The following EPAS1 variants were observed in gnomAD, a reference collection of about 807,000 sequenced individuals.
EPAS1 encodes the protein endothelial PAS domain protein 1, also known as endothelial PAS domain-containing protein 1.
EPAS1 carries 23 observed loss-of-function variants against 87.9 expected under a neutral mutation model. The ratio of observed to expected loss-of-function variants is 0.26; its 90% confidence interval spans 0.19 to 0.37. The LOEUF (loss-of-function observed/expected upper bound fraction) is 0.37, where lower values mean the gene tolerates loss of function less well. Ranked by LOEUF, EPAS1 falls within the 10% of genes least tolerant of loss-of-function variation. The pLI is 1.00. For synonymous variants in EPAS1, 508 were observed against 444.3 expected (o/e 1.14, Z -1.80); for missense variants, 1,138 against 1,120.7 (o/e 1.02, Z -0.22).
chr2:46,381,558 C>G (rs769185698), intron 12 of EPAS1, 38 bp from the exon 13 acceptor site: 4 of 1,613,752 alleles, frequency 2.5e-6, no homozygotes, highest in Admixed American at 1.7e-5. Context: ...GCATGTGGCT[C>G]CAGACTCCCT....
At chr2:46,343,010 A>G (rs1305876408) in intron 1 of EPAS1, among the ~76,000 whole-genome samples, 6 of 152,178 alleles carry the variant, frequency 3.9e-5, no homozygotes, top group Non-Finnish European at 7.3e-5. Context: ...AACCCAAAAC[A>G]AACCCAAAAC....
rs1007456591 is a variant in EPAS1, at chr2:46,381,741, C to A, written c.2172+19C>A. ...GAGCGGGGTGAGTCATCCCCACTGGCCACAGGGGCCTCTCCATAGCCCTTA... is the reference window on the plus strand; with the variant it reads ...GAGCGGGGTGAGTCATCCCCACTGGACACAGGGGCCTCTCCATAGCCCTTA... On this transcript the variant is annotated intron_variant, in intron 13 of 15. Coordinates refer to ENST00000263734, the MANE Select transcript of EPAS1 (RefSeq NM_001430.5). 3 of 1,613,428 alleles carry A rather than the reference C, an allele frequency of 1.9e-6. No homozygotes were observed. The highest frequency in any genetic ancestry group is 2.5e-6 in the Non-Finnish European group (3 of 1,179,986).
chr2:46,334,163 A>C (rs1192907090), intron 1 of EPAS1, among the ~76,000 whole-genome samples: 1 of 152,190 alleles, frequency 6.6e-6, no homozygotes, highest in Non-Finnish European at 1.5e-5. Context: ...AGCAGGGCCA[A>C]AGCATGACCA....
At chr2:46,304,102 A>C (rs777927062) in intron 1 of EPAS1, among the ~76,000 whole-genome samples, 1 of 152,246 alleles carries the variant, frequency 6.6e-6, no homozygotes, top group Non-Finnish European at 1.5e-5. Context: ...ATCCTCAAAC[A>C]GTTATTTGGA....
intron 1 of EPAS1, among the ~76,000 whole-genome samples, chr2:46,323,346 A>G (rs1401710755): frequency 6.6e-6 from 1 of 152,274 alleles, no homozygotes; most frequent in African/African-American, 2.4e-5. Flanking sequence ...AAGGAAAAAT[A>G]AAGTAGGTGC....
intron 1 of EPAS1, among the ~76,000 whole-genome samples, chr2:46,318,168 G>A (rs1033736978): frequency 1.8e-5 from 2 of 111,620 alleles, no homozygotes; most frequent in Non-Finnish European, 3.6e-5. Context: ...GATTGGGGAG[G>A]GGGAGAGAGA....
At chr2:46,363,251 A>G (rs1265766038) in intron 6 of EPAS1, among the ~76,000 whole-genome samples, 2 of 152,200 alleles carry the variant, frequency 1.3e-5, no homozygotes, top group African/African-American at 2.4e-5. Context: ...CGACGTAGCC[A>G]TATAGCCTGG....
Position 46,382,457 on chromosome 2 carries a change from G to T in EPAS1, c.2320G>T (p.Gly774Cys). The change falls in exon 15 of 16, where the codon GGC becomes TGC. Residue 774 changes from glycine (G) to cysteine (C), a missense_variant. By Grantham distance (159) the Gly-to-Cys change is radical. Around this residue, in one of 4 missense-constraint regions of EPAS1, gnomAD observed 502 missense variants for 427.1 expected, o/e 1.18. Transcript: ENST00000263734. ...CACCCAAAACCCCATGAGGGGCCTG[G>T]GCCATCCCCTGAGACATCTGCCGCT... ...KFTQNPMRGL[G>C]HPLRHLPLPQ... 1 of 1,614,130 alleles carries T rather than the reference G, an allele frequency of 6.2e-7. No homozygotes were observed. Among genetic ancestry groups the T allele is most frequent in the Non-Finnish European group, 8.5e-7 (1 of 1,180,040 alleles).
intron 1 of EPAS1, among the ~76,000 whole-genome samples, chr2:46,326,925 C>G (rs1177687107): frequency 6.6e-6 from 1 of 152,178 alleles, no homozygotes; most frequent in East Asian, 1.9e-4. Flanking sequence ...CGAGATTTAC[C>G]ACCTATGAGT....
chr2:46,351,094 T>G (rs1431392130), intron 2 of EPAS1, among the ~76,000 whole-genome samples: 1 of 152,184 alleles, frequency 6.6e-6, no homozygotes, highest in Non-Finnish European at 1.5e-5. Context: ...CCTCCACCCC[T>G]TTGTCCCACC....
intron 1 of EPAS1, among the ~76,000 whole-genome samples, chr2:46,298,601 G>C (rs1285211113): frequency 1.3e-5 from 2 of 152,362 alleles, no homozygotes; most frequent in South Asian, 4.1e-4. Context: ...GGGGCAGATG[G>C]TTCGGTGTGT....
At chr2:46,305,961 G>A (rs905239559) in intron 1 of EPAS1, among the ~76,000 whole-genome samples, 14 of 152,178 alleles carry the variant, frequency 9.2e-5, no homozygotes, top group Admixed American at 2.0e-4. Flanking sequence ...ATTCTGTAAC[G>A]GGTTGAGTGT....
At chr2:46,315,250 C>G (rs1400259639) in intron 1 of EPAS1, among the ~76,000 whole-genome samples, 1 of 152,068 alleles carries the variant, frequency 6.6e-6, no homozygotes, top group Non-Finnish European at 1.5e-5. Flanking sequence ...CACTCTGAGA[C>G]AGTGAGAACG....
chr2:46,312,336 A>G (rs1380998592), intron 1 of EPAS1, among the ~76,000 whole-genome samples: 1 of 152,210 alleles, frequency 6.6e-6, no homozygotes, highest in Non-Finnish European at 1.5e-5. Flanking sequence ...TGTGTGACCT[A>G]GGACAGGTAA....
chr2:46,326,071 G>A (rs531973143), intron 1 of EPAS1, among the ~76,000 whole-genome samples: 2 of 152,332 alleles, frequency 1.3e-5, no homozygotes, highest in African/African-American at 2.4e-5. Context: ...AAATGGAAAT[G>A]ATTCTGTGCT....
At chr2:46,324,690 T>C (rs1027050136) in intron 1 of EPAS1, among the ~76,000 whole-genome samples, 5 of 152,330 alleles carry the variant, frequency 3.3e-5, no homozygotes, top group Middle Eastern at 3.4e-3. Flanking sequence ...CCAAACTTTT[T>C]CCGTACAAGT....
chr2:46,380,859 T>A lies in EPAS1; in HGVS notation c.2045+142T>A. ...TTAGCCCTTCTCTGAGCTCAGACTTTGGGGAATCACCTCAAGCCATGTGAG... is the reference window on the plus strand; with the variant it reads ...TTAGCCCTTCTCTGAGCTCAGACTTAGGGGAATCACCTCAAGCCATGTGAG... On this transcript the variant is annotated intron_variant, in intron 12 of 15. Transcript: ENST00000263734. This position sits in a 1 kb window ranked among gnomAD's most constrained non-coding sequence, Gnocchi z 4.4. 1 of 1,431,622 alleles carries A rather than the reference T, an allele frequency of 7.0e-7. No individual in the cohort carries two copies. Among genetic ancestry groups the A allele is most frequent in the South Asian group, 1.2e-5 (1 of 84,630 alleles). 88.7% of individuals were successfully genotyped at this position (1,431,622 alleles called of 1,614,324 possible).
chr2:46,337,835 C>T (rs1683825887), intron 1 of EPAS1, among the ~76,000 whole-genome samples: 1 of 152,198 alleles, frequency 6.6e-6, no homozygotes, highest in Non-Finnish European at 1.5e-5. Flanking sequence ...GCTGTAGACT[C>T]CGCAAGCAAA....
chr2:46,349,793 A>G (rs370265208), intron 2 of EPAS1, among the ~76,000 whole-genome samples: 1 of 152,236 alleles, frequency 6.6e-6, no homozygotes, highest in Non-Finnish European at 1.5e-5. Flanking sequence ...AAATTGTAAG[A>G]CAAGATCTTT....
Sources: gnomAD v4.1 joint callset for allele counts (sites outside exome capture counted in the v4.1 genomes callset) on GRCh38, gnomAD v4.1.1 for gene constraint, gnomAD v4.1.1 regional missense constraint, Gnocchi (gnomAD v3.1) non-coding constraint, MANE v1.5 for transcripts, NCBI Gene and HGNC (gene_info 2026-07-23, HGNC 2026-07-21) for gene names.